Variants in NYAP2 observed in about 807,000 individuals in gnomAD.
NYAP2 encodes neuronal tyrosine-phosphorylated phosphoinositide-3-kinase adapter 2.
In NYAP2, 23 loss-of-function variants were observed where a neutral mutation model predicts 50.4. The ratio of observed to expected loss-of-function variants is 0.46; its 90% CI spans 0.33 to 0.65. The LOEUF (loss-of-function observed/expected upper bound fraction) is 0.65, where lower values mean the gene tolerates loss of function less well. NYAP2 is among the 30% of genes least tolerant of loss of function. The probability of loss-of-function intolerance (pLI) is 0.02; values close to 1 mark genes in which losing one functional copy is unlikely to be tolerated. For missense variants in NYAP2, 885 were observed against 861.0 expected (o/e 1.03, Z -0.35); for synonymous variants, 394 against 365.2 (o/e 1.08, Z -0.90).
intron 4 of NYAP2, among the ~76,000 whole-genome samples, chr2:225,538,049 G>A (rs1691382897): frequency 6.6e-6 from 1 of 152,210 alleles, no homozygotes; most frequent in African/African-American, 2.4e-5. Context: ...CAAGAGGTGG[G>A]TTCCCATGGT....
At position 225,408,854 on chromosome 2, in the gene NYAP2, C is replaced by A; in HGVS notation, c.-17-10C>A. 6.7e-7 allele frequency: 1 copy of A among 1,487,218 alleles called. No individual in the cohort carries two copies. The highest frequency in any genetic ancestry group is 9.4e-7 in the Non-Finnish European group (1 of 1,068,738). 92.1% of individuals were successfully genotyped at this position (1,487,218 alleles called of 1,614,324 possible). Reference sequence around the variant, plus strand: ...CCTGGATAAAAGTAAAATGTGTTCTCACCCTGCAGGCAGTGTTCCTCTTTA... The same window carrying A: ...CCTGGATAAAAGTAAAATGTGTTCTAACCCTGCAGGCAGTGTTCCTCTTTA... On this transcript the variant is annotated splice_polypyrimidine_tract_variant and intron_variant, in intron 2 of 6. Coordinates refer to ENST00000636099, the Ensembl canonical transcript of NYAP2.
At chr2:225,453,828 C>A (rs529364570) in intron 3 of NYAP2, among the ~76,000 whole-genome samples, 1 of 146,046 alleles carries the variant, frequency 6.8e-6, no homozygotes, top group African/African-American at 2.7e-5. Flanking sequence ...CCACCACGCC[C>A]GGCTAATTTT....
In NYAP2 at chr2:225,582,582, G is replaced by A. The variant is rs758472575; in HGVS notation, c.1165G>A (p.Gly389Ser). The stretch of plus-strand genomic sequence containing the variant: ...CTCCACGCTGCCGTCCCACGTCCCC[G>A]GCCATGCGAAACTGGAGAAAGAGCA... Residue 389 changes from glycine (G) to serine (S), a missense_variant, in exon 5 of 7, where the codon GGC becomes AGC. By Grantham distance (56) the Gly-to-Ser change is moderately conservative (BLOSUM62 0). Coordinates refer to ENST00000636099, the Ensembl canonical transcript of NYAP2. The surrounding 1 kb of genome is among the most constrained non-coding windows in gnomAD (Gnocchi z 7.0). 7 of 1,597,852 alleles carry A rather than the reference G, an allele frequency of 4.4e-6. No homozygotes were observed. The South Asian group carries it at 5.7e-5, about 13-fold the overall frequency.
intron 3 of NYAP2, among the ~76,000 whole-genome samples, chr2:225,469,445 A>T (rs1689977876): frequency 6.6e-6 from 1 of 152,224 alleles, no homozygotes; most frequent in Non-Finnish European, 1.5e-5. Context: ...TAATGTGGCA[A>T]TTCCTCAAGG....
intron 6 of NYAP2, among the ~76,000 whole-genome samples, chr2:225,629,245 AG>A (rs1215786363): frequency 6.6e-6 from 1 of 152,224 alleles, no homozygotes; most frequent in African/African-American, 2.4e-5. Context: ...TCCCAGCTCA[AG>A]AAGAAAGAGT....
chr2:225,687,940 T>C, the NYAP2 span, among the ~76,000 whole-genome samples: 3 of 152,136 alleles, frequency 2.0e-5, no homozygotes, highest in African/African-American at 7.2e-5. Flanking sequence ...TCCATCAAAA[T>C]CACTAGGAAG....
intron 3 of NYAP2, among the ~76,000 whole-genome samples, chr2:225,434,460 A>C (rs763477486): frequency 1.3e-5 from 2 of 152,214 alleles, no homozygotes; most frequent in Non-Finnish European, 2.9e-5. Context: ...AGAGGCTTGA[A>C]AATTAATTCT....
chr2:225,447,506 T>C (rs1173072135), intron 3 of NYAP2, among the ~76,000 whole-genome samples: 2 of 152,116 alleles, frequency 1.3e-5, no homozygotes, highest in African/African-American at 4.8e-5. Flanking sequence ...AATAAGTAAT[T>C]TGAATTACAG....
At chr2:225,665,587 A>C in the NYAP2 span, among the ~76,000 whole-genome samples, 4 of 148,578 alleles carry the variant, frequency 2.7e-5, no homozygotes, top group Non-Finnish European at 6.0e-5. Context: ...TTTTTTTGAG[A>C]CCAAAAAAAA....
At chr2:225,443,443 G>C (rs1689502356) in intron 3 of NYAP2, among the ~76,000 whole-genome samples, 1 of 152,188 alleles carries the variant, frequency 6.6e-6, no homozygotes, top group Non-Finnish European at 1.5e-5. Flanking sequence ...AGCAGACATA[G>C]GTTGCCAGGT....
At chr2:225,565,293 C>A (rs906474433) in intron 4 of NYAP2, among the ~76,000 whole-genome samples, 1 of 152,076 alleles carries the variant, frequency 6.6e-6, no homozygotes. Context: ...CTAAGATTAT[C>A]AATACTAAAA....
chr2:225,678,515 C>T, the NYAP2 span, among the ~76,000 whole-genome samples: 1 of 152,056 alleles, frequency 6.6e-6, no homozygotes, highest in African/African-American at 2.4e-5. Context: ...TTACTCTTCT[C>T]AAAACTTAGA....
intron 4 of NYAP2, among the ~76,000 whole-genome samples, chr2:225,575,725 C>T (rs1692158996): frequency 6.6e-6 from 1 of 152,170 alleles, no homozygotes; most frequent in Non-Finnish European, 1.5e-5. Flanking sequence ...GACTCCACTT[C>T]TTACTGAATG....
chr2:225,662,941 C>T, the NYAP2 span, among the ~76,000 whole-genome samples: 4 of 152,090 alleles, frequency 2.6e-5, no homozygotes, highest in Non-Finnish European at 2.9e-5. Flanking sequence ...CTCCAGGCCT[C>T]GCGGAATTTC....
the NYAP2 span, among the ~76,000 whole-genome samples, chr2:225,671,299 G>C: frequency 5.9e-5 from 9 of 151,968 alleles, no homozygotes; most frequent in African/African-American, 2.2e-4. Context: ...AAGCTTATGT[G>C]ATATTCTAAA....
chr2:225,617,475 CA>C (rs1031899990), intron 5 of NYAP2, among the ~76,000 whole-genome samples: 1 of 151,738 alleles, frequency 6.6e-6, no homozygotes, highest in African/African-American at 2.4e-5. Context: ...ACCACACATA[CA>C]AAAGCTTTTT....
In NYAP2 at chr2:225,585,667, G is replaced by T. The variant is rs559574962; in HGVS notation, c.1618+2632G>T. On this transcript the variant is annotated intron_variant, in intron 5 of 6. Transcript: ENST00000636099. ...AATATTTTACTTTACGTAAATGGAA[G>T]GGAGGAAAAATGCAGGTAATACAAA... is the stretch of plus-strand genomic sequence containing the variant. Among the ~76,000 whole-genome samples the T allele has an allele frequency of 3.7e-4, 56 of 152,280 alleles. No individual in the cohort carries two copies. In the South Asian group the frequency reaches 0.011, roughly 31 times the overall value.
chr2:225,478,820 AAAC>A (rs1426306145), intron 3 of NYAP2, among the ~76,000 whole-genome samples: 1 of 152,242 alleles, frequency 6.6e-6, no homozygotes, highest in Non-Finnish European at 1.5e-5. Flanking sequence ...AGTATTTTTC[AAAC>A]AACATTACAG....
rs527519365 is a variant in NYAP2, at chr2:225,598,120, G to A, written c.1618+15085G>A. 2.0e-5 allele frequency among the ~76,000 whole-genome samples: 3 copies of A among 152,190 alleles called. No homozygotes were observed. The South Asian group carries it at 6.2e-4, about 32-fold the overall frequency. ...ATGCTATCTAAGCCTTGACGCTGGA[G>A]GGCCTTCACATACGATGCAGTCCAG... On this transcript the variant is annotated intron_variant, in intron 5 of 6. Transcript: ENST00000636099.
Sources: gnomAD v4.1 joint callset for allele counts (sites outside exome capture counted in the v4.1 genomes callset) on GRCh38, gnomAD v4.1.1 for gene constraint, Gnocchi (gnomAD v3.1) non-coding constraint, MANE v1.5 for transcripts, NCBI Gene and HGNC (gene_info 2026-07-23, HGNC 2026-07-21) for gene names.